The following IL1RAPL1 variants were observed in gnomAD, a reference collection of about 807,000 sequenced individuals.
IL1RAPL1 encodes interleukin-1 receptor accessory protein-like 1.
Under a neutral mutation model 48.4 loss-of-function variants are expected in IL1RAPL1, and 3 were observed. That is an observed-to-expected ratio of 0.06 (90% CI 0.03 to 0.16). The LOEUF is 0.16. Among genes scored for constraint, IL1RAPL1 ranks in the 10% least tolerant of loss-of-function variants. The pLI is 1.00. For synonymous variants in IL1RAPL1, 185 were observed against 187.7 expected, an observed-to-expected ratio of 0.99 and a Z score of 0.12; for missense variants, 349 against 530.6, an observed-to-expected ratio of 0.66 and a Z score of 3.36.
At chrX:28,837,723 T>A (rs1320143608) in intron 2 of IL1RAPL1, among the ~76,000 whole-genome samples, 1 of 97,941 alleles carries the variant, frequency 1.0e-5, no homozygotes, top group Non-Finnish European at 2.0e-5. Flanking sequence ...CTTATTTTGA[T>A]TACCAGGCCT....
intron 1 of IL1RAPL1, among the ~76,000 whole-genome samples, chrX:28,719,904 T>C (rs1354536501): frequency 9.0e-6 from 1 of 110,935 alleles, no homozygotes; most frequent in East Asian, 2.8e-4. Context: ...AAGTCAAGAA[T>C]AGCATAACAT....
rs112416460 is a variant in IL1RAPL1 at position 29,261,600 on chromosome X, C to T, written c.83-21338C>T. 4.6e-3 allele frequency among the ~76,000 whole-genome samples: 512 copies of T among 110,739 alleles called. 1 individual carries two copies. Among genetic ancestry groups the T allele is most frequent in the African/African-American group, 0.015 (452 of 30,481 alleles). Reference sequence around the variant, plus strand: ...CCTTCTACTTCCTTGCAGTGGTTTCCATCACATTTAGAATAAAATCCACCT... The same window carrying T: ...CCTTCTACTTCCTTGCAGTGGTTTCTATCACATTTAGAATAAAATCCACCT... On this transcript the variant is annotated intron_variant, in intron 2 of 10. Coordinates refer to ENST00000378993, the MANE Select transcript of IL1RAPL1 (RefSeq NM_014271.4).
At chrX:29,565,323 TAA>T (rs58259760) in intron 5 of IL1RAPL1, among the ~76,000 whole-genome samples, 4 of 98,468 alleles carry the variant, frequency 4.1e-5, no homozygotes, top group African/African-American at 1.4e-4. Context: ...TAGCAGTTAC[TAA>T]AAAAAAAAAA....
At chrX:29,890,182 C>T (rs769746535) in intron 6 of IL1RAPL1, among the ~76,000 whole-genome samples, 3 of 111,548 alleles carry the variant, frequency 2.7e-5, no homozygotes, top group African/African-American at 9.8e-5. Context: ...AAATGACTCA[C>T]GGACATAGTT....
At chrX:29,609,285 T>C (rs2147067193) in intron 5 of IL1RAPL1, among the ~76,000 whole-genome samples, 1 of 112,470 alleles carries the variant, frequency 8.9e-6, no homozygotes. Context: ...ACACATTAAT[T>C]ACACAGATTC....
intron 1 of IL1RAPL1, among the ~76,000 whole-genome samples, chrX:28,763,083 C>A (rs1936195693): frequency 9.0e-6 from 1 of 111,095 alleles, no homozygotes; most frequent in Non-Finnish European, 1.9e-5. Context: ...CCTTCTAACT[C>A]TAATTAGGGG....
chrX:29,451,743 A>G (rs1216202986), intron 5 of IL1RAPL1, among the ~76,000 whole-genome samples: 2 of 111,787 alleles, frequency 1.8e-5, no homozygotes, highest in African/African-American at 6.5e-5. Flanking sequence ...TTTTTTGTGA[A>G]ACAGTGGCCC....
At chrX:29,117,291 A>G (rs1928696415) in intron 2 of IL1RAPL1, among the ~76,000 whole-genome samples, 1 of 111,972 alleles carries the variant, frequency 8.9e-6, no homozygotes, top group Non-Finnish European at 1.9e-5. Context: ...AAGTTATGTG[A>G]CGACCATACT....
At chrX:28,856,858 G>A (rs894230520) in intron 2 of IL1RAPL1, among the ~76,000 whole-genome samples, 5 of 111,981 alleles carry the variant, frequency 4.5e-5, no homozygotes, top group Admixed American at 2.9e-4. Context: ...GAAAGAAATA[G>A]TAACAGGTCT....
intron 6 of IL1RAPL1, among the ~76,000 whole-genome samples, chrX:29,727,580 G>T: frequency 8.9e-6 from 1 of 111,735 alleles, no homozygotes; most frequent in Admixed American, 9.5e-5. Flanking sequence ...CTCTGGAAGA[G>T]AAAAATCAGA....
intron 3 of IL1RAPL1, among the ~76,000 whole-genome samples, chrX:29,344,803 A>G (rs1030952232): frequency 9.9e-5 from 11 of 111,515 alleles, no homozygotes; most frequent in Non-Finnish European, 1.9e-4. Context: ...ACGCCCAGCT[A>G]ATTTTTGTAT....
intron 2 of IL1RAPL1, among the ~76,000 whole-genome samples, chrX:29,111,925 CTTTTTT>C (rs34885583): frequency 5.0e-5 from 3 of 59,751 alleles, no homozygotes; most frequent in Non-Finnish European, 9.6e-5. Flanking sequence ...TTTCACTTTT[CTTTTTT>C]TTTTTTTTTT....
chrX:28,902,198 G>C (rs1202526209), intron 2 of IL1RAPL1, among the ~76,000 whole-genome samples: 2 of 106,214 alleles, frequency 1.9e-5, no homozygotes, highest in African/African-American at 6.9e-5. Context: ...AATTACTACA[G>C]TTTGGTTCTG....
In IL1RAPL1 at chrX:29,058,734, TCTCA is replaced by T. The variant is rs199720015; in HGVS notation, c.83-224200_83-224197del. On this transcript the variant is annotated intron_variant, in intron 2 of 10. Coordinates refer to ENST00000378993, the MANE Select transcript of IL1RAPL1 (RefSeq NM_014271.4). ...CCAGCATCAATCACTTTGATTAGGATCTCACTCCATGAACCAGGCAGCTTCTCTT... is the reference window on the plus strand; with the variant it reads ...CCAGCATCAATCACTTTGATTAGGATCTCCATGAACCAGGCAGCTTCTCTT... Among the ~76,000 whole-genome samples, 241 of 111,770 alleles carry T rather than the reference TCTCA, an allele frequency of 2.2e-3. 7 individuals are homozygous for T. In the East Asian group the frequency reaches 0.06, roughly 28 times the overall value.
intron 2 of IL1RAPL1, among the ~76,000 whole-genome samples, chrX:28,966,455 C>T (rs971303002): frequency 1.8e-5 from 2 of 111,707 alleles, no homozygotes; most frequent in Non-Finnish European, 3.8e-5. Context: ...TTGACCAACT[C>T]ATGTGCATTC....
chrX:28,805,912 C>A (rs1936725885), intron 2 of IL1RAPL1, among the ~76,000 whole-genome samples: 1 of 109,758 alleles, frequency 9.1e-6, no homozygotes, highest in Non-Finnish European at 1.9e-5. Flanking sequence ...AGAGTCATTG[C>A]ATAATCAGTA....
At chrX:29,400,504 T>C (rs1389865862) in intron 5 of IL1RAPL1, among the ~76,000 whole-genome samples, 1 of 112,091 alleles carries the variant, frequency 8.9e-6, no homozygotes, top group Non-Finnish European at 1.9e-5. Flanking sequence ...ATTAAAAATA[T>C]TATTCTCATA....
chrX:29,119,623 G>C (rs186932212), intron 2 of IL1RAPL1, among the ~76,000 whole-genome samples: 1 of 111,341 alleles, frequency 9.0e-6, no homozygotes, highest in Admixed American at 9.6e-5. Context: ...CTAGTTCCAG[G>C]GTACAAAAAC....
chrX:29,021,206 C>T (rs748283655), intron 2 of IL1RAPL1, among the ~76,000 whole-genome samples: 79 of 84,429 alleles, frequency 9.4e-4, no homozygotes, highest in African/African-American at 3.5e-3. Flanking sequence ...AGCAAGACTC[C>T]GTCTCAAGGA....
Sources: allele counts gnomAD v4.1 joint callset (sites outside exome capture counted in the v4.1 genomes callset), GRCh38; gene constraint gnomAD v4.1.1; transcripts MANE v1.5; gene names NCBI Gene and HGNC (gene_info 2026-07-23, HGNC 2026-07-21).